Variants in SREBF2 observed in about 807,000 individuals in gnomAD.
The protein encoded by SREBF2 is sterol regulatory element-binding protein 2.
SREBF2 carries 55 observed loss-of-function variants against 113.1 expected under a neutral mutation model. The ratio of observed to expected loss-of-function variants is 0.49; its 90% CI spans 0.39 to 0.61. SREBF2 has a LOEUF of 0.61. Ranked by LOEUF, SREBF2 falls within the 20% of genes least tolerant of loss-of-function variation. SREBF2 has a pLI of 0.00. For synonymous variants in SREBF2, 593 were observed against 605.7 expected (o/e 0.98, Z 0.31); for missense variants, 1,349 against 1,487.4 (o/e 0.91, Z 1.53).
At chr22:41,894,755 C>G in intron 12 of SREBF2, 65 bp from the exon 13 acceptor site, 1 of 1,404,666 alleles carries the variant, frequency 7.1e-7, no homozygotes, top group Admixed American at 1.7e-5. Context: ...GAGTTTCTCT[C>G]CGTAAAGACA....
rs371650543 is a variant in SREBF2, at chr22:41,905,480, C to T, written c.3246C>T (p.Thr1082=). 200 of 1,579,970 alleles carry T rather than the reference C, an allele frequency of 1.3e-4. No individual in the cohort carries two copies. In the African/African-American group the frequency reaches 2.2e-3, roughly 17 times the overall value. ...DAWPGQRERA[T]AILLACRHLP... Reference sequence around the variant, plus strand: ...GGCCCGGCCAGCGAGAGCGGGCCACCGCCATCCTGCTGGCCTGCCGCCACC... The same window carrying T: ...GGCCCGGCCAGCGAGAGCGGGCCACTGCCATCCTGCTGGCCTGCCGCCACC... The change falls in exon 19 of 19, where the codon ACC becomes ACT. Residue 1082 remains threonine (T), a synonymous_variant. Transcript: ENST00000361204.
intron 1 of SREBF2, among the ~76,000 whole-genome samples, chr22:41,840,204 C>T (rs887806520): frequency 3.3e-5 from 5 of 152,186 alleles, no homozygotes; most frequent in Non-Finnish European, 7.4e-5. Context: ...GTGATCCACC[C>T]GACTCGGTCT....
At chr22:41,865,146 AACACACAC>A (rs133284) in intron 1 of SREBF2, among the ~76,000 whole-genome samples, 10 of 149,694 alleles carry the variant, frequency 6.7e-5, no homozygotes, top group South Asian at 2.1e-4. Context: ...TCCCCCAAAA[AACACACAC>A]ACACACACAC....
At chr22:41,859,136 AAAG>A (rs1282814951) in intron 1 of SREBF2, among the ~76,000 whole-genome samples, 2 of 152,194 alleles carry the variant, frequency 1.3e-5, no homozygotes, top group African/African-American at 2.4e-5. Flanking sequence ...AAAAAAAAAA[AAAG>A]TGGGGGGACC....
intron 11 of SREBF2, among the ~76,000 whole-genome samples, chr22:41,887,824 C>A (rs1377616876): frequency 6.6e-6 from 1 of 151,664 alleles, no homozygotes; most frequent in East Asian, 1.9e-4. Flanking sequence ...CCTTACCGAA[C>A]ACATATAATG....
chr22:41,859,292 C>T (rs1464411813), intron 1 of SREBF2, among the ~76,000 whole-genome samples: 2 of 152,252 alleles, frequency 1.3e-5, no homozygotes, highest in East Asian at 3.9e-4. Context: ...TGGGAGTTAT[C>T]AGGAAGTGGT....
intron 16 of SREBF2, among the ~76,000 whole-genome samples, chr22:41,902,152 G>A (rs1268684884): frequency 5.9e-5 from 9 of 152,220 alleles, no homozygotes; most frequent in Non-Finnish European, 1.2e-4. Context: ...TGGGTGAGAT[G>A]AGGCTCAGCC....
At position 41,833,571 on chromosome 22, in the gene SREBF2, GGCGCCGCGGGGCCGAAA is replaced by G; in HGVS notation, c.88+217_88+233del. 4.6e-6 allele frequency: 2 copies of G among 438,328 alleles called. No individual in the cohort carries two copies. Among genetic ancestry groups the G allele is most frequent in the Non-Finnish European group, 7.9e-6 (2 of 252,842 alleles). The allele number at this position is 438,328 out of a possible 1,614,324, so 27.2% of individuals were successfully genotyped here. The stretch of plus-strand genomic sequence containing the variant: ...CGCTCCGGGAGGCCGTGGGATCTGG[GGCGCCGCGGGGCCGAAA>G]GCGGCGCGAGGGTCGCGGGTTCCAG... On this transcript the variant is annotated intron_variant, in intron 1 of 18. Coordinates refer to ENST00000361204, the MANE Select transcript of SREBF2 (RefSeq NM_004599.4). The surrounding 1 kb of genome is among the most constrained non-coding windows in gnomAD (Gnocchi z 4.1).
intron 11 of SREBF2, 54 bp from the exon 12 acceptor site, chr22:41,893,063 T>C: frequency 4.4e-6 from 7 of 1,604,604 alleles, no homozygotes; most frequent in Non-Finnish European, 6.0e-6. Context: ...CCACAGTGGC[T>C]GCAGCCAGCA....
At chr22:41,890,039 A>C (rs2077343485) in intron 11 of SREBF2, among the ~76,000 whole-genome samples, 1 of 152,092 alleles carries the variant, frequency 6.6e-6, no homozygotes, top group South Asian at 2.1e-4. Flanking sequence ...ATAATTTCTT[A>C]GAAATCATGG....
Position 41,864,610 on chromosome 22 carries a change from G to A in SREBF2, c.89-2221G>A, listed in dbSNP as rs1469339787. Among the ~76,000 whole-genome samples the A allele has an allele frequency of 2.0e-5, 3 of 151,496 alleles. 1 individual carries two copies. The highest frequency in any genetic ancestry group is 4.2e-4 in the South Asian group (2 of 4,796). ...GCTGGGATTATAGGCGTGAGTCACC[G>A]CGCCCGGCCCAAAAAATCTTTGTGT... is the stretch of plus-strand genomic sequence containing the variant. On this transcript the variant is annotated intron_variant, in intron 1 of 18. Coordinates refer to ENST00000361204, the MANE Select transcript of SREBF2 (RefSeq NM_004599.4).
intron 4 of SREBF2, among the ~76,000 whole-genome samples, chr22:41,872,969 G>T (rs534536208): frequency 6.6e-6 from 1 of 151,892 alleles, no homozygotes; most frequent in Admixed American, 6.6e-5. Flanking sequence ...AGGCCAAGGC[G>T]GGTGGATCAC....
chr22:41,859,353 G>C (rs1436404152), intron 1 of SREBF2, among the ~76,000 whole-genome samples: 1 of 152,186 alleles, frequency 6.6e-6, no homozygotes, highest in Non-Finnish European at 1.5e-5. Flanking sequence ...TCAATGTGAT[G>C]AATGTGATTC....
At chr22:41,834,901 T>C (rs1043622778) in intron 1 of SREBF2, among the ~76,000 whole-genome samples, 12 of 152,326 alleles carry the variant, frequency 7.9e-5, no homozygotes, top group Non-Finnish European at 1.5e-4. Context: ...TACACGTTAA[T>C]GTTCTCAATC....
At chr22:41,898,221 C>G (rs1053483161) in intron 14 of SREBF2, among the ~76,000 whole-genome samples, 1 of 152,168 alleles carries the variant, frequency 6.6e-6, no homozygotes, top group Non-Finnish European at 1.5e-5. Flanking sequence ...TCAAGCGATT[C>G]TCTTGCCTCA....
intron 1 of SREBF2, among the ~76,000 whole-genome samples, chr22:41,858,916 G>A (rs1320939870): frequency 6.6e-6 from 1 of 152,096 alleles, no homozygotes; most frequent in Non-Finnish European, 1.5e-5. Flanking sequence ...GGCTGAGGCG[G>A]GTGGATCACG....
intron 11 of SREBF2, among the ~76,000 whole-genome samples, chr22:41,887,705 G>C (rs6002521): frequency 6.6e-6 from 1 of 152,092 alleles, no homozygotes; most frequent in African/African-American, 2.4e-5. Flanking sequence ...TTCAGGAAAC[G>C]TGACTGCATT....
At position 41,905,425 on chromosome 22, in the gene SREBF2, A is replaced by ATC. The variant is rs1163879307; in HGVS notation, c.3206-12_3206-11dup. 1.0e-5 allele frequency: 16 copies of ATC among 1,560,506 alleles called. No individual in the cohort carries two copies. Among genetic ancestry groups the ATC allele is most frequent in the Non-Finnish European group, 1.4e-5 (16 of 1,154,638 alleles). ...TGGTAGATTCTCGGTTGTGACACACATCTCCTTCCCACAGGAGAGGTGGAT... is the reference window on the plus strand; with the variant it reads ...TGGTAGATTCTCGGTTGTGACACACATCTCTCCTTCCCACAGGAGAGGTGGAT... On this transcript the variant is annotated splice_polypyrimidine_tract_variant and intron_variant, in intron 18 of 18. Coordinates refer to ENST00000361204, the MANE Select transcript of SREBF2 (RefSeq NM_004599.4).
intron 1 of SREBF2, among the ~76,000 whole-genome samples, chr22:41,835,230 T>C (rs8140028): frequency 0.16 from 3,029 of 18,430 alleles, 507 homozygotes; most frequent in Middle Eastern, 0.24. Flanking sequence ...GGCACAATCA[T>C]AGCACAAACT....
Sources: gnomAD v4.1 joint callset for allele counts (sites outside exome capture counted in the v4.1 genomes callset) on GRCh38, gnomAD v4.1.1 for gene constraint, Gnocchi (gnomAD v3.1) non-coding constraint, MANE v1.5 for transcripts, NCBI Gene and HGNC (gene_info 2026-07-23, HGNC 2026-07-21) for gene names.